GLIS3: variants seen among roughly 807,000 people sequenced by gnomAD.
GLIS3 encodes GLIS family zinc finger 3.
GLIS3 carries 53 observed loss-of-function variants against 78.6 expected under a neutral mutation model. The observed-to-expected ratio is 0.67, with a 90% CI of 0.54 to 0.85. The LOEUF (loss-of-function observed/expected upper bound fraction) is 0.85. GLIS3 is among the 40% of genes least tolerant of loss of function. The pLI is 0.00. For missense variants in GLIS3, 1,703 were observed against 1,231.1 expected (o/e 1.38, Z -5.74); for synonymous variants, 684 against 509.9 (o/e 1.34, Z -4.60).
chr9:4,061,972 G>A (rs116185589), intron 4 of GLIS3, among the ~76,000 whole-genome samples: 268 of 152,248 alleles, frequency 1.8e-3, no homozygotes, highest in African/African-American at 6.1e-3. Context: ...TAAAAAATGG[G>A]GAAGGTGGCA....
chr9:4,217,795 T>A (rs1820986030), intron 2 of GLIS3, among the ~76,000 whole-genome samples: 1 of 152,114 alleles, frequency 6.6e-6, no homozygotes, highest in South Asian at 2.1e-4. Flanking sequence ...AAATCACAAT[T>A]CAAACAAAAT....
chr9:3,954,712 G>A (rs1271808540), intron 4 of GLIS3, among the ~76,000 whole-genome samples: 1 of 152,164 alleles, frequency 6.6e-6, no homozygotes, highest in Non-Finnish European at 1.5e-5. Context: ...AAAAGAAAAT[G>A]TCTAAAGGAA....
chr9:4,401,478 G>A, the GLIS3 span, among the ~76,000 whole-genome samples: 5 of 151,758 alleles, frequency 3.3e-5, no homozygotes, highest in East Asian at 9.7e-4. Flanking sequence ...TGGTCAGGCT[G>A]GTCTCGAAAT....
intron 4 of GLIS3, among the ~76,000 whole-genome samples, chr9:4,113,894 T>A (rs1831418788): frequency 6.6e-6 from 1 of 152,186 alleles, no homozygotes; most frequent in South Asian, 2.1e-4. Flanking sequence ...CATACAAAAT[T>A]CAAAACTGGT....
chr9:4,380,644 A>G, the GLIS3 span, among the ~76,000 whole-genome samples: 2 of 152,352 alleles, frequency 1.3e-5, no homozygotes, highest in African/African-American at 4.8e-5. Context: ...ATATTTAGCA[A>G]GCTACCTGGC....
At chr9:4,216,334 G>A (rs1250340914) in intron 2 of GLIS3, among the ~76,000 whole-genome samples, 6 of 152,082 alleles carry the variant, frequency 3.9e-5, no homozygotes, top group East Asian at 3.9e-4. Flanking sequence ...TTAGCCGGGC[G>A]TGGTGGCGGG....
intron 2 of GLIS3, among the ~76,000 whole-genome samples, chr9:4,135,417 T>C (rs184689960): frequency 8.7e-4 from 133 of 152,290 alleles, no homozygotes; most frequent in African/African-American, 3.0e-3. Context: ...AGTATGTATG[T>C]TCTAATTCTA....
At chr9:4,461,882 C>T in the GLIS3 span, among the ~76,000 whole-genome samples, 3 of 152,120 alleles carry the variant, frequency 2.0e-5, no homozygotes, top group African/African-American at 7.2e-5. Context: ...TTTCAGAGAT[C>T]CTTTGTTACT....
chr9:3,992,057 G>A (rs979910504), intron 4 of GLIS3, among the ~76,000 whole-genome samples: 2 of 152,090 alleles, frequency 1.3e-5, no homozygotes, highest in African/African-American at 4.8e-5. Flanking sequence ...ACTGAAGTCA[G>A]ATTTTATAAT....
In GLIS3 at chr9:4,279,340, CACACACACACACACACACACACAT is replaced by C. The variant is rs1465593119; in HGVS notation, c.388+6674_388+6697del. Among the ~76,000 whole-genome samples, 3 of 81,682 alleles carry C rather than the reference CACACACACACACACACACACACAT, an allele frequency of 3.7e-5. 1 individual carries two copies. Among genetic ancestry groups the C allele is most frequent in the East Asian group, 6.1e-4 (2 of 3,282 alleles). The allele number at this position is 81,682 out of a possible 152,430, so 53.6% of individuals were successfully genotyped here. ...ATATATATATACACACACACACACA[CACACACACACACACACACACACAT>C]AATACATATTATATATATTTTATAT... On this transcript the variant is annotated intron_variant, in intron 2 of 10. Coordinates refer to ENST00000381971, the MANE Select transcript of GLIS3 (RefSeq NM_001042413.2).
At chr9:4,195,440 G>A (rs998359044) in intron 2 of GLIS3, among the ~76,000 whole-genome samples, 3 of 152,192 alleles carry the variant, frequency 2.0e-5, no homozygotes, top group Admixed American at 1.3e-4. Context: ...CTTAGCACCC[G>A]GGCCAGCAGC....
At chr9:4,156,867 A>T (rs1055871893) in intron 2 of GLIS3, among the ~76,000 whole-genome samples, 1 of 152,200 alleles carries the variant, frequency 6.6e-6, no homozygotes, top group Non-Finnish European at 1.5e-5. Flanking sequence ...AGTGGTTCTC[A>T]AAGTGTGGTA....
Position 4,118,696 on chromosome 9 carries a change from G to C in GLIS3, c.782C>G (p.Ser261Cys), listed in dbSNP as rs774199290. 1.9e-6 allele frequency: 3 copies of C among 1,614,106 alleles called. No homozygotes were observed. Among genetic ancestry groups the C allele is most frequent in the African/African-American group, 1.3e-5 (1 of 75,016 alleles). The change falls in exon 4 of 11, where the codon TCC (serine) becomes TGC (cysteine). Residue 261 changes from serine (S) to cysteine (C), a missense_variant. Transcript: ENST00000381971. This position sits in a 1 kb window ranked among gnomAD's most constrained non-coding sequence, Gnocchi z 4.7. ...TAATGAGTTAGAGACACTATTGCTG[G>C]ACATGGATGTCCCGGGAGGAAGGCT... ...LLSLPPGTSM[S>C]SNSVSNSLPS...
chr9:3,853,401 T>G (rs1819558083), intron 9 of GLIS3, among the ~76,000 whole-genome samples: 1 of 152,148 alleles, frequency 6.6e-6, no homozygotes, highest in Non-Finnish European at 1.5e-5. Flanking sequence ...GGAGTGTCAA[T>G]CACTTAGTCA....
In GLIS3 at chr9:3,870,734, T is replaced by G. The variant is rs181153966; in HGVS notation, c.2297+8693A>C. 7.2e-5 allele frequency among the ~76,000 whole-genome samples: 11 copies of G among 152,288 alleles called. No homozygotes were observed. The East Asian group carries it at 2.1e-3, about 29-fold the overall frequency. ...CCCAACAGGTCCCTCCCACAACACATGGGAATTATGGGAATACAATTCAAG... is the reference window on the plus strand; with the variant it reads ...CCCAACAGGTCCCTCCCACAACACAGGGGAATTATGGGAATACAATTCAAG... On this transcript the variant is annotated intron_variant, in intron 8 of 10. Coordinates refer to ENST00000381971, the MANE Select transcript of GLIS3 (RefSeq NM_001042413.2).
chr9:3,864,546 C>T (rs1166748569), intron 8 of GLIS3, among the ~76,000 whole-genome samples: 1 of 152,170 alleles, frequency 6.6e-6, no homozygotes, highest in African/African-American at 2.4e-5. Context: ...TGGTCAGGTA[C>T]CTTTGGAAGC....
the GLIS3 span, among the ~76,000 whole-genome samples, chr9:4,430,208 A>C: frequency 3.9e-5 from 6 of 152,376 alleles, no homozygotes; most frequent in South Asian, 1.2e-3. Flanking sequence ...TAGAAGGTGC[A>C]TGCATGCCTG....
chr9:3,983,659 G>A (rs748075141), intron 4 of GLIS3, among the ~76,000 whole-genome samples: 1 of 152,188 alleles, frequency 6.6e-6, no homozygotes, highest in African/African-American at 2.4e-5. Flanking sequence ...GGTGACTCTT[G>A]TTATGTCTTA....
upstream of GLIS3, among the ~76,000 whole-genome samples, chr9:4,351,076 T>C (rs77890381): frequency 3.2e-3 from 480 of 152,274 alleles, 13 homozygotes; most frequent in East Asian, 0.08. Flanking sequence ...TAATAATCCA[T>C]TTCTTTCTGA....
Sources: allele counts gnomAD v4.1 joint callset (sites outside exome capture counted in the v4.1 genomes callset), GRCh38; gene constraint gnomAD v4.1.1; non-coding constraint Gnocchi (gnomAD v3.1); transcripts MANE v1.5; gene names NCBI Gene and HGNC (gene_info 2026-07-23, HGNC 2026-07-21).